VPS4B: variants seen among roughly 807,000 people sequenced by gnomAD.
The protein encoded by VPS4B is vacuolar protein sorting-associated protein 4B.
VPS4B carries 23 observed loss-of-function variants against 56.1 expected under a neutral mutation model. The observed-to-expected ratio is 0.41, with a 90% CI of 0.30 to 0.58. VPS4B has a LOEUF of 0.58. VPS4B is among the 20% of genes least tolerant of loss of function. The pLI is 0.29. For synonymous variants in VPS4B, 177 were observed against 186.0 expected, an observed-to-expected ratio of 0.95 and a Z score of 0.39; for missense variants, 372 against 531.9, an observed-to-expected ratio of 0.70 and a Z score of 2.96.
chr18:63,410,166 A>G, intron 3 of VPS4B, 124 bp downstream of exon 3: 1 of 1,303,668 alleles, frequency 7.7e-7, no homozygotes, highest in Non-Finnish European at 1.1e-6. Flanking sequence ...CTTATTCCAA[A>G]AACAGGCAGC....
intron 8 of VPS4B, among the ~76,000 whole-genome samples, chr18:63,398,784 G>A (rs1269073114): frequency 6.7e-6 from 1 of 149,288 alleles, no homozygotes; most frequent in Non-Finnish European, 1.5e-5. Context: ...GCAGTGAGCC[G>A]AGATCGCACC....
intron 3 of VPS4B, among the ~76,000 whole-genome samples, chr18:63,408,663 G>A (rs1915968721): frequency 6.6e-6 from 1 of 152,210 alleles, no homozygotes; most frequent in Non-Finnish European, 1.5e-5. Context: ...AGAGGAGTTG[G>A]CAACAGTGGG....
In VPS4B at chr18:63,391,104, G is replaced by A. The variant is rs191225116; in HGVS notation, c.1234-28C>T. 9.3e-5 allele frequency: 133 copies of A among 1,429,922 alleles called. No homozygotes were observed. In the African/African-American group the frequency reaches 1.7e-3, roughly 18 times the overall value. The allele number at this position is 1,429,922 out of a possible 1,614,324, so 88.6% of individuals were successfully genotyped here. On this transcript the variant is annotated intron_variant, in intron 10 of 10. Coordinates refer to ENST00000238497, the MANE Select transcript of VPS4B (RefSeq NM_004869.4). ...GTCAGGGAAAAAGAAGGGTAGGGAG[G>A]ATATTAATAATAGAGTTAACAAAAT...
chr18:63,393,859 C>G (rs1287992593), intron 9 of VPS4B, among the ~76,000 whole-genome samples: 1 of 152,030 alleles, frequency 6.6e-6, no homozygotes, highest in Non-Finnish European at 1.5e-5. Flanking sequence ...CCCTCAGCCT[C>G]CCGAGTAGCT....
Position 63,389,420 on chromosome 18 carries a change from A to C in VPS4B, c.*1555T>G, listed in dbSNP as rs1915492727. The stretch of plus-strand genomic sequence containing the variant: ...ACCACATAGCATATGTAAAATGTGC[A>C]AATACACTTTAAAATGCAAGTTATT... On this transcript the variant is annotated 3_prime_UTR_variant, in exon 11 of 11. Coordinates refer to ENST00000238497, the MANE Select transcript of VPS4B (RefSeq NM_004869.4). 6.5e-6 allele frequency: 1 copy of C among 152,678 alleles called. No individual in the cohort carries two copies. Among genetic ancestry groups the C allele is most frequent in the Admixed American group, 6.5e-5 (1 of 15,288 alleles). 9.5% of individuals were successfully genotyped at this position (152,678 alleles called of 1,614,324 possible).
Position 63,399,279 on chromosome 18 carries a change from T to C in VPS4B, c.835A>G (p.Asn279Asp). 6.2e-7 allele frequency: 1 copy of C among 1,614,088 alleles called. No homozygotes were observed. Among genetic ancestry groups the C allele is most frequent in the Non-Finnish European group, 8.5e-7 (1 of 1,179,966 alleles). Reference sequence around the variant, plus strand: ...GCAGAATCCAGAACCCAGGGTATATTTGTAGCTCCCAGAACCAAAATTCCA... The same window carrying C: ...GCAGAATCCAGAACCCAGGGTATATCTGTAGCTCCCAGAACCAAAATTCCA... Reference protein sequence around the residue: ...NDGILVLGATNIPWVLDSAIR... With the variant: ...NDGILVLGATDIPWVLDSAIR... Residue 279 changes from asparagine to aspartate, a missense_variant, in exon 8 of 11, where the codon AAT (asparagine) becomes GAT (aspartate). Physicochemically the swap from Asn to Asp is conservative, Grantham distance 23. Transcript: ENST00000238497.
chr18:63,411,584 T>C lies in VPS4B; in HGVS notation c.28-6A>G. On this transcript the variant is annotated splice_polypyrimidine_tract_variant and splice_region_variant and intron_variant, in intron 1 of 10. Transcript: ENST00000238497. ...CTAGCCAGATCTATCGCTTTCTGTTTGAGGGAGGCAAAATAACAACATTTA... is the reference window on the plus strand; with the variant it reads ...CTAGCCAGATCTATCGCTTTCTGTTCGAGGGAGGCAAAATAACAACATTTA... The C allele has an allele frequency of 1.3e-6, 2 of 1,544,292 alleles. No homozygotes were observed. Among genetic ancestry groups the C allele is most frequent in the South Asian group, 1.3e-5 (1 of 79,270 alleles).
intron 4 of VPS4B, 116 bp from the exon 5 acceptor site, chr18:63,403,942 C>A: frequency 8.4e-7 from 1 of 1,188,576 alleles, no homozygotes; most frequent in Non-Finnish European, 1.1e-6. Context: ...GTTTTATGTA[C>A]TAACAACCTT....
chr18:63,394,686 C>T (rs1018393230), intron 9 of VPS4B, among the ~76,000 whole-genome samples: 8 of 152,026 alleles, frequency 5.3e-5, no homozygotes, highest in African/African-American at 1.9e-4. Flanking sequence ...AGGCTGGTCT[C>T]GAACCCCTGA....
chr18:63,399,449 T>G, intron 7 of VPS4B, 126 bp from the exon 8 acceptor site: 1 of 771,610 alleles, frequency 1.3e-6, no homozygotes, highest in Non-Finnish European at 2.1e-6. Flanking sequence ...AGTCTGTCTT[T>G]GGAAAAGAAC....
intron 10 of VPS4B, 109 bp downstream of exon 10, chr18:63,393,300 G>A: frequency 9.6e-7 from 1 of 1,045,582 alleles, no homozygotes. Flanking sequence ...ACAATATTAA[G>A]TAAAATACAC....
At chr18:63,420,698 A>T (rs958046971) in intron 1 of VPS4B, among the ~76,000 whole-genome samples, 21 of 152,304 alleles carry the variant, frequency 1.4e-4, no homozygotes, top group African/African-American at 3.8e-4. Context: ...AAAGCTACAA[A>T]AAACTCAAGT....
chr18:63,391,210 C>T, intron 10 of VPS4B, 134 bp from the exon 11 acceptor site: 1 of 607,966 alleles, frequency 1.6e-6, no homozygotes, highest in South Asian at 1.8e-5. Context: ...CCATAAGATA[C>T]TAACGATAAA....
At chr18:63,398,853 T>C (rs1915746466) in intron 8 of VPS4B, among the ~76,000 whole-genome samples, 1 of 151,956 alleles carries the variant, frequency 6.6e-6, no homozygotes, top group African/African-American at 2.4e-5. Context: ...AAAAAAATCT[T>C]ACCTGGTTAT....
intron 4 of VPS4B, among the ~76,000 whole-genome samples, chr18:63,404,096 G>A (rs184368934): frequency 1.3e-5 from 2 of 152,226 alleles, no homozygotes; most frequent in East Asian, 3.9e-4. Context: ...AATACCATCT[G>A]CCCAAACTAC....
At chr18:63,391,108 TTAATAA>T in intron 10 of VPS4B, 32 bp from the exon 11 acceptor site, 1 of 1,399,938 alleles carries the variant, frequency 7.1e-7, no homozygotes, top group African/African-American at 1.4e-5. Flanking sequence ...AGGGAGGATA[TTAATAA>T]TAGAGTTAAC....
chr18:63,411,325 C>T lies in VPS4B; in HGVS notation c.139+142G>A. On this transcript the variant is annotated intron_variant, in intron 2 of 10. Transcript: ENST00000238497. ...GCTACATCTCAATACTTAAAAATCA[C>T]TAGAAAGAAAGTGGAGTATTTTTTT... 3 of 557,772 alleles carry T rather than the reference C, an allele frequency of 5.4e-6. No homozygotes were observed. In the East Asian group the frequency reaches 9.8e-5, roughly 18 times the overall value. The allele number at this position is 557,772 out of a possible 1,614,324, so 34.6% of individuals were successfully genotyped here.
intron 10 of VPS4B, 44 bp from the exon 11 acceptor site, chr18:63,391,120 T>G (rs1349930866): frequency 2.3e-6 from 3 of 1,313,496 alleles, no homozygotes; most frequent in East Asian, 4.7e-5. Flanking sequence ...AATAATAGAG[T>G]TAACAAAATA....
chr18:63,402,677 G>C (rs934107892), intron 5 of VPS4B, among the ~76,000 whole-genome samples: 1 of 152,138 alleles, frequency 6.6e-6, no homozygotes, highest in African/African-American at 2.4e-5. Flanking sequence ...GAGAAAAAGT[G>C]GTATAAGTAA....
Sources: gnomAD v4.1 joint callset for allele counts (sites outside exome capture counted in the v4.1 genomes callset) on GRCh38, gnomAD v4.1.1 for gene constraint, MANE v1.5 for transcripts, NCBI Gene and HGNC (gene_info 2026-07-23, HGNC 2026-07-21) for gene names.